The following FOXP2 variants were observed in gnomAD, a reference collection of about 807,000 sequenced individuals.
The protein encoded by FOXP2 is forkhead box P2.
FOXP2 carries 12 observed loss-of-function variants against 115.8 expected under a neutral mutation model. That is an observed-to-expected ratio of 0.10 (90% CI 0.07 to 0.17). The LOEUF is 0.17. Among genes scored for constraint, FOXP2 ranks in the 10% least tolerant of loss-of-function variants. The pLI, the probability that FOXP2 is intolerant of heterozygous loss-of-function variation, is 1.00. For missense variants in FOXP2, 629 were observed against 843.5 expected (o/e 0.75, Z 3.15); for synonymous variants, 328 against 297.7 (o/e 1.10, Z -1.05).
At position 114,373,529 on chromosome 7, in the gene FOXP2, C is replaced by G. The variant is rs73432299; in HGVS notation, c.-10-52973C>G. 7.7e-3 allele frequency among the ~76,000 whole-genome samples: 1,168 copies of G among 152,302 alleles called. 12 individuals carry two copies. The highest frequency in any genetic ancestry group is 0.026 in the African/African-American group (1,080 of 41,576). ...GCCTCCCTTCCTTTGAAAAATATAA[C>G]GTTGGCAGCCCAGCCTTGTTCCCAG... is the stretch of plus-strand genomic sequence containing the variant. On this transcript the variant is annotated intron_variant, in intron 2 of 17. Coordinates refer to the FOXP2 transcript ENST00000634411.
intron 2 of FOXP2, among the ~76,000 whole-genome samples, chr7:114,447,218 C>T (rs926606332): frequency 3.3e-5 from 5 of 152,096 alleles, no homozygotes; most frequent in African/African-American, 2.4e-5. Context: ...GTCCGAATTG[C>T]CGTCACCAGT....
intron 2 of FOXP2, among the ~76,000 whole-genome samples, chr7:114,342,628 G>T (rs1351554342): frequency 6.6e-6 from 1 of 151,480 alleles, no homozygotes; most frequent in Admixed American, 6.6e-5. Flanking sequence ...TGATTGATAG[G>T]TGAATCTCAA....
At chr7:114,688,989 T>A (rs745727377) in intron 16 of FOXP2, among the ~76,000 whole-genome samples, 1 of 152,108 alleles carries the variant, frequency 6.6e-6, no homozygotes, top group Non-Finnish European at 1.5e-5. Context: ...AAAAATTTGA[T>A]TATTTATATA....
At chr7:114,315,439 A>G (rs775896785) in intron 2 of FOXP2, among the ~76,000 whole-genome samples, 1 of 152,140 alleles carries the variant, frequency 6.6e-6, no homozygotes, top group Non-Finnish European at 1.5e-5. Flanking sequence ...CTGTTATTCA[A>G]TCATTTCTAA....
intron 2 of FOXP2, among the ~76,000 whole-genome samples, chr7:114,474,836 T>G (rs939346731): frequency 2.0e-5 from 3 of 151,994 alleles, no homozygotes; most frequent in Non-Finnish European, 1.5e-5. Flanking sequence ...CATATTCATA[T>G]TTTTTTTCAA....
chr7:114,371,156 C>T (rs2048182171), intron 2 of FOXP2, among the ~76,000 whole-genome samples: 2 of 152,072 alleles, frequency 1.3e-5, no homozygotes, highest in South Asian at 4.1e-4. Flanking sequence ...TCAGGGCTAA[C>T]TACAGCCTGG....
At chr7:114,410,696 G>A (rs1793141722), upstream of FOXP2, among the ~76,000 whole-genome samples, 1 of 152,070 alleles carries the variant, frequency 6.6e-6, no homozygotes, top group Admixed American at 6.6e-5. Flanking sequence ...TAAACAGTAT[G>A]TGTTTCCTTG....
At chr7:114,155,311 G>A (rs1440323067) in intron 1 of FOXP2, among the ~76,000 whole-genome samples, 1 of 152,034 alleles carries the variant, frequency 6.6e-6, no homozygotes, top group African/African-American at 2.4e-5. Flanking sequence ...GAATTCAGGC[G>A]CAGCTGTTCA....
chr7:114,415,771 C>T (rs752462042), intron 1 of FOXP2, among the ~76,000 whole-genome samples: 13 of 151,866 alleles, frequency 8.6e-5, no homozygotes, highest in Admixed American at 2.6e-4. Flanking sequence ...TTTGACCACA[C>T]GTTTGGGTGC....
intron 2 of FOXP2, among the ~76,000 whole-genome samples, chr7:114,511,916 G>T (rs1798097176): frequency 6.6e-6 from 1 of 151,822 alleles, no homozygotes; most frequent in Non-Finnish European, 1.5e-5. Context: ...CAGTAATATG[G>T]CTTAAAATAC....
chr7:114,512,045 T>C (rs1257788155), intron 2 of FOXP2, among the ~76,000 whole-genome samples: 1 of 152,172 alleles, frequency 6.6e-6, no homozygotes. Context: ...GATTATATTA[T>C]TATAACTTAA....
At chr7:114,610,346 A>G (rs887656032) in intron 3 of FOXP2, among the ~76,000 whole-genome samples, 5 of 152,210 alleles carry the variant, frequency 3.3e-5, no homozygotes, top group Admixed American at 2.6e-4. Context: ...TATTTTTCAT[A>G]TTAACTTTAA....
At chr7:114,265,373 C>A (rs547584408) in intron 1 of FOXP2, among the ~76,000 whole-genome samples, 10 of 152,288 alleles carry the variant, frequency 6.6e-5, no homozygotes, top group Admixed American at 5.2e-4. Context: ...CCAAAATAAT[C>A]TCCTTTGACT....
chr7:114,476,626 A>G (rs1286779663), intron 2 of FOXP2, among the ~76,000 whole-genome samples: 2 of 151,820 alleles, frequency 1.3e-5, no homozygotes, highest in Non-Finnish European at 2.9e-5. Context: ...TTCCATATGA[A>G]TTTTAGAATT....
At chr7:114,219,028 T>A (rs901184781) in intron 1 of FOXP2, among the ~76,000 whole-genome samples, 1 of 152,180 alleles carries the variant, frequency 6.6e-6, no homozygotes, top group Non-Finnish European at 1.5e-5. Flanking sequence ...AAGAAACATA[T>A]GAAGTGAAAG....
chr7:114,265,988 C>T (rs1213085939), intron 1 of FOXP2, among the ~76,000 whole-genome samples: 2 of 151,992 alleles, frequency 1.3e-5, no homozygotes, highest in East Asian at 3.9e-4. Flanking sequence ...GGCCTCAGAG[C>T]TAGTGATGGG....
intron 2 of FOXP2, among the ~76,000 whole-genome samples, chr7:114,475,761 C>T (rs1796229340): frequency 1.3e-5 from 2 of 151,936 alleles, no homozygotes; most frequent in African/African-American, 4.8e-5. Flanking sequence ...CAGCATCATG[C>T]AACCACCTAA....
intron 2 of FOXP2, among the ~76,000 whole-genome samples, chr7:114,513,754 A>G (rs1457631577): frequency 6.6e-6 from 1 of 152,078 alleles, no homozygotes; most frequent in Non-Finnish European, 1.5e-5. Context: ...CTTAAAGGTA[A>G]ATTTCAGCTA....
At chr7:114,556,643 C>T (rs1800468763) in intron 3 of FOXP2, among the ~76,000 whole-genome samples, 1 of 152,154 alleles carries the variant, frequency 6.6e-6, no homozygotes. Context: ...ATGGAAAAGA[C>T]CACCAAAAAG....
Sources: gnomAD v4.1 joint callset for allele counts (sites outside exome capture counted in the v4.1 genomes callset) on GRCh38, gnomAD v4.1.1 for gene constraint, MANE v1.5 for transcripts, NCBI Gene and HGNC (gene_info 2026-07-23, HGNC 2026-07-21) for gene names.